Variants in MSN observed in about 807,000 individuals in gnomAD.
The protein encoded by MSN is moesin.
A neutral mutation model predicts 48.0 loss-of-function variants in MSN; 2 were observed. The ratio of observed to expected loss-of-function variants is 0.04; its 90% CI spans 0.02 to 0.13. The LOEUF (loss-of-function observed/expected upper bound fraction) is 0.13. MSN is among the 10% of genes least tolerant of loss of function. The pLI, the probability that MSN is intolerant of heterozygous loss-of-function variation, is 1.00. For missense variants in MSN, 267 were observed against 470.1 expected, an observed-to-expected ratio of 0.57 and a Z score of 3.99; for synonymous variants, 146 against 166.9, an observed-to-expected ratio of 0.87 and a Z score of 0.97.
Position 65,738,703 on chromosome X carries a change from C to T in MSN, c.1344+86C>T. ...GCTCCTTAGATTCCTTATGTTTTGG[C>T]TCCCTCCCTCTTTCATACTTCCCAC... On this transcript the variant is annotated intron_variant, in intron 11 of 12. Transcript: ENST00000360270. 3 of 902,831 alleles carry T rather than the reference C, an allele frequency of 3.3e-6. 1 individual carries two copies. The highest frequency in any genetic ancestry group is 4.7e-5 in the South Asian group (2 of 42,131). The allele number at this position is 902,831 out of a possible 1,213,427, so 74.4% of individuals were successfully genotyped here. A position where few individuals can be genotyped will look rare whatever the true frequency, so the allele number is the denominator to read the frequency against.
chrX:65,622,493 T>C (rs989080639), intron 1 of MSN, among the ~76,000 whole-genome samples: 1 of 107,253 alleles, frequency 9.3e-6, no homozygotes, highest in Non-Finnish European at 1.9e-5. Context: ...ATAGCAGTGA[T>C]GAAGCTAGGC....
At chrX:65,630,684 G>T (rs1045239560) in intron 1 of MSN, among the ~76,000 whole-genome samples, 10 of 111,138 alleles carry the variant, frequency 9.0e-5, no homozygotes, top group African/African-American at 2.3e-4. Context: ...TTACCCCAGC[G>T]CTAGGCAACC....
intron 1 of MSN, among the ~76,000 whole-genome samples, chrX:65,629,547 C>G (rs1387606114): frequency 1.8e-5 from 2 of 111,367 alleles, no homozygotes; most frequent in African/African-American, 6.5e-5. Context: ...AAAGACATAC[C>G]CGAGACTGGG....
chrX:65,615,918 A>C (rs1433847383), intron 1 of MSN, among the ~76,000 whole-genome samples: 1 of 110,998 alleles, frequency 9.0e-6, no homozygotes, highest in Admixed American at 9.6e-5. Flanking sequence ...TCAGCTTTCT[A>C]CATATGGCTA....
chrX:65,622,584 T>A (rs1479901635), intron 1 of MSN, among the ~76,000 whole-genome samples: 2 of 104,527 alleles, frequency 1.9e-5, no homozygotes, highest in African/African-American at 7.1e-5. Context: ...TGGCATGATT[T>A]CCGCTCACTG....
At chrX:65,593,645 C>T (rs1046309449) in intron 1 of MSN, among the ~76,000 whole-genome samples, 5 of 112,169 alleles carry the variant, frequency 4.5e-5, no homozygotes, top group East Asian at 5.6e-4. Flanking sequence ...CAGGTTCAAG[C>T]GACTCTCCTG....
At chrX:65,628,745 A>G (rs907233032) in intron 1 of MSN, among the ~76,000 whole-genome samples, 5 of 110,648 alleles carry the variant, frequency 4.5e-5, no homozygotes, top group Non-Finnish European at 7.6e-5. Flanking sequence ...AATTTTCTGA[A>G]TTTTTATGCT....
At chrX:65,639,293 G>A (rs921790549) in intron 1 of MSN, among the ~76,000 whole-genome samples, 2 of 110,772 alleles carry the variant, frequency 1.8e-5, no homozygotes, top group African/African-American at 3.3e-5. Flanking sequence ...ACAGGTACCC[G>A]CCACCACACC....
chrX:65,591,559 C>T (rs760707194), intron 1 of MSN, among the ~76,000 whole-genome samples: 7 of 112,062 alleles, frequency 6.2e-5, no homozygotes, highest in Non-Finnish European at 1.1e-4. Flanking sequence ...CCCTTCTTTC[C>T]TTTTGCCAGT....
intron 1 of MSN, among the ~76,000 whole-genome samples, chrX:65,646,980 C>G (rs1261646401): frequency 9.0e-6 from 1 of 110,689 alleles, no homozygotes; most frequent in African/African-American, 3.3e-5. Flanking sequence ...AAAAACAAAC[C>G]CTAGTATGAG....
intron 1 of MSN, among the ~76,000 whole-genome samples, chrX:65,681,648 G>A (rs1250863131): frequency 1.8e-5 from 2 of 112,298 alleles, no homozygotes; most frequent in East Asian, 2.8e-4. Flanking sequence ...CCAGATTTTA[G>A]TTCCCCATCT....
intron 1 of MSN, among the ~76,000 whole-genome samples, chrX:65,694,352 C>T (rs1319529228): frequency 8.5e-5 from 9 of 105,594 alleles, no homozygotes; most frequent in South Asian, 4.3e-4. Flanking sequence ...TTTTTTGAGA[C>T]GGAGTCTCTG....
chrX:65,656,585 G>C (rs1362916654), intron 1 of MSN, among the ~76,000 whole-genome samples: 2 of 111,136 alleles, frequency 1.8e-5, no homozygotes, highest in Admixed American at 1.9e-4. Context: ...ATCCCTTTAT[G>C]GGAGCAACTA....
chrX:65,706,853 T>C (rs1205959930), intron 1 of MSN, among the ~76,000 whole-genome samples: 1 of 111,920 alleles, frequency 8.9e-6, no homozygotes, highest in African/African-American at 3.2e-5. Context: ...AGTTTTCTCA[T>C]CTATGAAGTG....
chrX:65,627,652 GC>G (rs1292799175), intron 1 of MSN, among the ~76,000 whole-genome samples: 8 of 110,462 alleles, frequency 7.2e-5, no homozygotes, highest in Non-Finnish European at 1.1e-4. Flanking sequence ...ATATCATTTT[GC>G]CCCAGTCCCC....
intron 1 of MSN, among the ~76,000 whole-genome samples, chrX:65,656,012 C>G (rs1352387249): frequency 1.8e-5 from 2 of 111,939 alleles, no homozygotes; most frequent in Non-Finnish European, 1.9e-5. Context: ...GGTGATTCAC[C>G]CGCCTTGGCC....
Position 65,738,611 on chromosome X carries a change from G to A in MSN, c.1338G>A (p.Gln446=), listed in dbSNP as rs1392207672. 1.7e-6 allele frequency: 2 copies of A among 1,206,872 alleles called. No individual in the cohort carries two copies. The highest frequency in any genetic ancestry group is 2.2e-6 in the Non-Finnish European group (2 of 892,417). ...AGGAGAGTGAGGCTGTGGAGTGGCA[G>A]CAGAAGGTAAGACACAGGGCCTAAA... ...QKKESEAVEW[Q]QKAQMVQEDL... The change falls in exon 11 of 13, where the codon CAG becomes CAA. Residue 446 remains glutamine (Q), a synonymous_variant. Transcript: ENST00000360270.
intron 1 of MSN, among the ~76,000 whole-genome samples, chrX:65,707,247 CA>C (rs2071370869): frequency 9.5e-6 from 1 of 105,467 alleles, no homozygotes; most frequent in African/African-American, 3.5e-5. Context: ...AGGCTTTGGA[CA>C]GTGTACCACC....
chrX:65,664,247 A>C (rs926748358), upstream of MSN, among the ~76,000 whole-genome samples: 8 of 110,985 alleles, frequency 7.2e-5, no homozygotes, highest in African/African-American at 1.3e-4. Flanking sequence ...GCATGTTCTC[A>C]CTTATAAGTG....
Sources: allele counts gnomAD v4.1 joint callset (sites outside exome capture counted in the v4.1 genomes callset), GRCh38; gene constraint gnomAD v4.1.1; transcripts MANE v1.5; gene names NCBI Gene and HGNC (gene_info 2026-07-23, HGNC 2026-07-21).